The following FRY variants were observed in gnomAD, a reference collection of about 807,000 sequenced individuals.
FRY encodes the protein FRY microtubule binding protein.
Under a neutral mutation model 348.4 loss-of-function variants are expected in FRY, and 128 were observed. That is an observed-to-expected ratio of 0.37 (90% CI 0.32 to 0.43). The LOEUF (loss-of-function observed/expected upper bound fraction) is 0.43. Among genes scored for constraint, FRY ranks in the 20% least tolerant of loss-of-function variants. FRY has a pLI of 1.00. For missense variants in FRY, 2,736 were observed against 3,695.2 expected (o/e 0.74, Z 6.73); for synonymous variants, 1,370 against 1,374.7 (o/e 1.00, Z 0.08).
chr13:32,210,820 G>A (rs758201892), intron 33 of FRY, 46 bp from the exon 34 acceptor site: 1 of 1,518,372 alleles, frequency 6.6e-7, no homozygotes, highest in Non-Finnish European at 9.1e-7. Flanking sequence ...TGTTCCTGTG[G>A]ACTAGGCTCT....
intron 1 of FRY, among the ~76,000 whole-genome samples, chr13:32,051,924 T>A (rs1444258862): frequency 6.6e-6 from 1 of 152,230 alleles, no homozygotes; most frequent in African/African-American, 2.4e-5. Flanking sequence ...AAGATTAAGA[T>A]GTTTAAAAAT....
At chr13:32,076,020 T>A (rs1185093893) in intron 1 of FRY, among the ~76,000 whole-genome samples, 1 of 152,216 alleles carries the variant, frequency 6.6e-6, no homozygotes, top group Non-Finnish European at 1.5e-5. Flanking sequence ...GTGAATAATA[T>A]TTTTTATGAT....
chr13:32,055,571 A>T (rs1488310417), intron 1 of FRY, among the ~76,000 whole-genome samples: 1 of 152,158 alleles, frequency 6.6e-6, no homozygotes. Context: ...TGTACATTTT[A>T]TAAAGCTCTC....
At chr13:32,101,192 A>G (rs1877141698) in intron 2 of FRY, among the ~76,000 whole-genome samples, 1 of 152,160 alleles carries the variant, frequency 6.6e-6, no homozygotes, top group South Asian at 2.1e-4. Flanking sequence ...TGTTGATTTC[A>G]GGTTTATGTG....
At chr13:32,120,997 C>T (rs77960407) in intron 4 of FRY, among the ~76,000 whole-genome samples, 12,190 of 152,270 alleles carry the variant, frequency 0.08, 524 homozygotes, top group African/African-American at 0.13. Context: ...ATACTCACAG[C>T]TTAGCTCCCA....
chr13:32,295,395 G>A lies in FRY; in HGVS notation c.8977G>A (p.Ala2993Thr), dbSNP rs753538795. The A allele has an allele frequency of 1.2e-6, 2 of 1,612,780 alleles. No homozygotes were observed. Among genetic ancestry groups the A allele is most frequent in the Middle Eastern group, 1.7e-4 (1 of 6,060 alleles). ...NMEIRDMIRRAQSYRVLTTFL... is the reference protein window; with the variant it reads ...NMEIRDMIRRTQSYRVLTTFL... ...GGAGATCCGGGACATGATCCGCAGG[G>A]CCCAGAGTTACCGAGTCCTCACTAC... Residue 2993 changes from alanine (A) to threonine (T), a missense_variant, in exon 61 of 61, where the codon GCC becomes ACC. Ala to Thr is a moderately conservative substitution (Grantham distance 58). Around this residue, in one of 9 missense-constraint regions of FRY, gnomAD observed 157 missense variants for 215.2 expected, o/e 0.73. Transcript: ENST00000542859.
chr13:32,215,922 G>A (rs1884965798), intron 35 of FRY, among the ~76,000 whole-genome samples: 1 of 152,136 alleles, frequency 6.6e-6, no homozygotes, highest in African/African-American at 2.4e-5. Flanking sequence ...AAATTTATAT[G>A]CCCACAAAGG....
chr13:32,147,735 A>G, intron 12 of FRY, 104 bp from the exon 13 acceptor site: 1 of 782,222 alleles, frequency 1.3e-6, no homozygotes, highest in Middle Eastern at 3.1e-4. Context: ...CTTTTTCTGA[A>G]TTCTCTCTGA....
chr13:32,194,129 C>A lies in FRY; in HGVS notation c.3592-14C>A, dbSNP rs1300835469. On this transcript the variant is annotated splice_polypyrimidine_tract_variant and intron_variant, in intron 28 of 60. Coordinates refer to ENST00000542859, the MANE Select transcript of FRY (RefSeq NM_023037.3). ...ATCAAATGGGAATAATATTGATTTG[C>A]TCCATGTATTCAGGTTCATCAACTT... is the stretch of plus-strand genomic sequence containing the variant. The A allele has an allele frequency of 6.2e-7, 1 of 1,608,790 alleles. No individual in the cohort carries two copies. Among genetic ancestry groups the A allele is most frequent in the Admixed American group, 1.7e-5 (1 of 60,018 alleles).
intron 29 of FRY, among the ~76,000 whole-genome samples, chr13:32,197,792 G>C: frequency 6.6e-6 from 1 of 152,172 alleles, no homozygotes; most frequent in Non-Finnish European, 1.5e-5. Flanking sequence ...ATAGTACTAG[G>C]TAAGCCAGAG....
intron 1 of FRY, among the ~76,000 whole-genome samples, chr13:32,056,188 T>TACA (rs1873613499): frequency 8.3e-6 from 1 of 119,806 alleles, no homozygotes; most frequent in Non-Finnish European, 1.7e-5. Context: ...AGACTCCATC[T>TACA]AAAAAAAAAA....
At chr13:32,147,156 T>C in intron 11 of FRY, 126 bp from the exon 12 acceptor site, 1 of 671,932 alleles carries the variant, frequency 1.5e-6, no homozygotes, top group Non-Finnish European at 2.8e-6. Context: ...TGATGCAATG[T>C]GTCTCATAAG....
At chr13:32,246,986 G>A (rs933448445) in intron 47 of FRY, among the ~76,000 whole-genome samples, 1 of 152,020 alleles carries the variant, frequency 6.6e-6, no homozygotes, top group Non-Finnish European at 1.5e-5. Context: ...AAGAAAGAGT[G>A]AACTGAACAG....
chr13:32,275,154 G>A (rs752719653), intron 56 of FRY, 163 bp downstream of exon 56: 59 of 624,084 alleles, frequency 9.5e-5, no homozygotes, highest in Middle Eastern at 5.3e-4. Context: ...CGAGGTGGGC[G>A]GATCACAAGG....
intron 3 of FRY, among the ~76,000 whole-genome samples, chr13:32,113,356 A>G (rs1270931513): frequency 6.6e-6 from 1 of 152,248 alleles, no homozygotes; most frequent in Admixed American, 6.5e-5. Flanking sequence ...AAACACTTAT[A>G]TGTAAAGTTT....
intron 1 of FRY, among the ~76,000 whole-genome samples, chr13:32,042,737 C>G (rs902777690): frequency 6.6e-6 from 1 of 152,230 alleles, no homozygotes; most frequent in African/African-American, 2.4e-5. Flanking sequence ...CAAACTTCCT[C>G]TTGCTTCTCT....
intron 7 of FRY, among the ~76,000 whole-genome samples, chr13:32,125,654 G>C (rs1878973193): frequency 6.6e-6 from 1 of 152,106 alleles, no homozygotes; most frequent in South Asian, 2.1e-4. Context: ...TCGTAACGTA[G>C]TAGCATGGAA....
intron 58 of FRY, among the ~76,000 whole-genome samples, chr13:32,279,444 G>A (rs1888709648): frequency 6.6e-6 from 1 of 152,240 alleles, no homozygotes; most frequent in Non-Finnish European, 1.5e-5. Flanking sequence ...AGAGTCTGGA[G>A]AAGTTGGCAG....
At chr13:32,213,525 T>C (rs193001576) in intron 35 of FRY, among the ~76,000 whole-genome samples, 29 of 152,258 alleles carry the variant, frequency 1.9e-4, no homozygotes, top group African/African-American at 7.0e-4. Flanking sequence ...TAAAGGTTTT[T>C]ATATTCCACA....
Sources: allele counts gnomAD v4.1 joint callset (sites outside exome capture counted in the v4.1 genomes callset), GRCh38; gene constraint gnomAD v4.1.1; regional missense constraint gnomAD v4.1.1; transcripts MANE v1.5; gene names NCBI Gene and HGNC (gene_info 2026-07-23, HGNC 2026-07-21).